Variants in WDFY4 observed in about 807,000 individuals in gnomAD.
The protein encoded by WDFY4 is WD repeat- and FYVE domain-containing protein 4.
In WDFY4, 169 loss-of-function variants were observed where a neutral mutation model predicts 351.9. That is an observed-to-expected ratio of 0.48 (90% CI 0.42 to 0.55). The LOEUF (loss-of-function observed/expected upper bound fraction) is 0.55, where lower values mean the gene tolerates loss of function less well. WDFY4 is among the 20% of genes least tolerant of loss of function. The pLI is 0.00. For missense variants in WDFY4, 3,803 were observed against 3,935.6 expected, an observed-to-expected ratio of 0.97 and a Z score of 0.90; for synonymous variants, 1,622 against 1,574.6, an observed-to-expected ratio of 1.03 and a Z score of -0.71.
chr10:48,972,269 C>G (rs564328251), intron 57 of WDFY4, among the ~76,000 whole-genome samples: 7 of 152,282 alleles, frequency 4.6e-5, no homozygotes, highest in African/African-American at 1.7e-4. Flanking sequence ...ACTGAAGAGC[C>G]TCACAGGCGG....
intron 1 of WDFY4, among the ~76,000 whole-genome samples, chr10:48,703,490 T>G (rs1465589907): frequency 2.6e-5 from 4 of 152,162 alleles, no homozygotes; most frequent in Non-Finnish European, 5.9e-5. Context: ...GGGGAAAGAA[T>G]TTTAATCTTT....
chr10:48,963,913 G>C lies in WDFY4; in HGVS notation c.8295G>C (p.Gln2765His), dbSNP rs1272332348. The C allele has an allele frequency of 6.4e-7, 1 of 1,551,592 alleles. No individual in the cohort carries two copies. Among genetic ancestry groups the C allele is most frequent in the Non-Finnish European group, 8.7e-7 (1 of 1,147,002 alleles). The change falls in exon 54 of 62, where the codon CAG becomes CAC. Residue 2765 changes from glutamine (Q) to histidine (H), a missense_variant. Physicochemically the swap from Gln to His is conservative, Grantham distance 24 (BLOSUM62 0). This residue lies in a region of WDFY4 where 3,054 missense variants were observed against 3,148.6 expected (regional missense o/e 0.97). Transcript: ENST00000325239. ...ACCTTATTTTTGGGTACAAGCAGCA[G>C]GGGCCAGCCGCAGTGGATGCTGTTA... ...WIDLIFGYKQQGPAAVDAVNI... is the reference protein window; with the variant it reads ...WIDLIFGYKQHGPAAVDAVNI...
intron 13 of WDFY4, among the ~76,000 whole-genome samples, chr10:48,767,162 C>T (rs1033160911): frequency 6.6e-6 from 1 of 152,178 alleles, no homozygotes; most frequent in Non-Finnish European, 1.5e-5. Flanking sequence ...CACCCATTAG[C>T]TATGTGGCCT....
intron 39 of WDFY4, among the ~76,000 whole-genome samples, chr10:48,845,110 A>C (rs571704640): frequency 1.3e-5 from 2 of 152,336 alleles, no homozygotes; most frequent in East Asian, 3.9e-4. Flanking sequence ...AGAGAGGCCC[A>C]TGTGGCTGGG....
At position 48,760,532 on chromosome 10, in the gene WDFY4, C is replaced by T. The variant is rs528420710; in HGVS notation, c.2553+92C>T. ...CCAAGACAGCTTTTTTCCTTTTGTC[C>T]GTGTCTTCAGTGCCCTGCGTTAGCA... On this transcript the variant is annotated intron_variant, in intron 13 of 61. Transcript: ENST00000325239. The T allele has an allele frequency of 1.2e-3, 1,630 of 1,311,740 alleles. 6 individuals are homozygous for T. Among genetic ancestry groups the T allele is most frequent in the South Asian group, 4.0e-3 (306 of 76,318 alleles). 81.3% of individuals were successfully genotyped at this position (1,311,740 alleles called of 1,614,324 possible).
At chr10:48,969,454 C>T (rs928302772) in intron 56 of WDFY4, among the ~76,000 whole-genome samples, 2 of 152,198 alleles carry the variant, frequency 1.3e-5, no homozygotes, top group African/African-American at 4.8e-5. Context: ...CCAAGGCTTG[C>T]AAGTTGGCAG....
chr10:48,770,933 A>G (rs1354424190), intron 13 of WDFY4, among the ~76,000 whole-genome samples: 1 of 152,218 alleles, frequency 6.6e-6, no homozygotes, highest in East Asian at 1.9e-4. Flanking sequence ...CAGAATGGCA[A>G]AATGCAGCCT....
In WDFY4 at chr10:48,901,856, A is replaced by G; in HGVS notation, c.7579A>G (p.Ser2527Gly). The stretch of plus-strand genomic sequence containing the variant: ...GAAAGCCACCTCGGAGGACACCCTC[A>G]GTCTAAGGTAATGGCGGGTAGCCAT... ...KGKATSEDTLSLRRYPGSDRI... is the reference protein window; with the variant it reads ...KGKATSEDTLGLRRYPGSDRI... The change falls in exon 47 of 62, where the codon AGT becomes GGT. Residue 2527 changes from serine (S) to glycine (G), a missense_variant. Around this residue, in one of 3 missense-constraint regions of WDFY4, gnomAD observed 3,054 missense variants for 3,148.6 expected, o/e 0.97. Transcript: ENST00000325239. 6.4e-7 allele frequency: 1 copy of G among 1,551,556 alleles called. No homozygotes were observed. Among genetic ancestry groups the G allele is most frequent in the Non-Finnish European group, 8.7e-7 (1 of 1,146,852 alleles).
intron 10 of WDFY4, 34 bp from the exon 11 acceptor site, chr10:48,735,846 T>G (rs1012682739): frequency 1.3e-6 from 2 of 1,526,736 alleles, no homozygotes; most frequent in Admixed American, 4.0e-5. Flanking sequence ...GCTTCCCCCT[T>G]GCCCTAGCCC....
At position 48,803,306 on chromosome 10, in the gene WDFY4, CA is replaced by C; in HGVS notation, c.4433del (p.Asn1478IlefsTer61). 1 of 1,552,022 alleles carries C rather than the reference CA, an allele frequency of 6.4e-7. No individual in the cohort carries two copies. ...TCCAGCTCTGGATGAATACTGCAGA[CA>C]ATCTGGAGCTCAGCCTCTTTTCCCA... is the stretch of plus-strand genomic sequence containing the variant. ...NFELWMNTADNLELSLFSHLL... is the reference protein window; with the variant it reads ...NFELWMNTADXLELSLFSHLL... On this transcript the variant is annotated frameshift_variant, in exon 25 of 62. Transcript: ENST00000325239. LOFTEE classifies it high-confidence loss of function.
At chr10:48,867,398 C>G in intron 40 of WDFY4, 56 bp downstream of exon 40, 3 of 1,210,424 alleles carry the variant, frequency 2.5e-6, no homozygotes, top group Non-Finnish European at 2.2e-6. Context: ...CACCTTGAAC[C>G]TGAAAAATAA....
intron 36 of WDFY4, among the ~76,000 whole-genome samples, chr10:48,828,035 T>A (rs2068063663): frequency 6.6e-6 from 1 of 152,222 alleles, no homozygotes; most frequent in South Asian, 2.1e-4. Context: ...GACTTCATTC[T>A]AGAAATTTCA....
At chr10:48,866,030 C>A (rs1231225176) in intron 39 of WDFY4, among the ~76,000 whole-genome samples, 1 of 151,958 alleles carries the variant, frequency 6.6e-6, no homozygotes, top group Non-Finnish European at 1.5e-5. Flanking sequence ...TCCAAAGTAC[C>A]AGATTTTAGT....
chr10:48,836,923 C>T (rs543682136), intron 39 of WDFY4, among the ~76,000 whole-genome samples: 9 of 152,252 alleles, frequency 5.9e-5, no homozygotes, highest in African/African-American at 1.9e-4. Context: ...GCTCTGCTTA[C>T]GTACTCAATT....
At position 48,706,779 on chromosome 10, in the gene WDFY4, AC is replaced by A. The variant is rs752982161; in HGVS notation, c.-17-2936del. 1.5e-4 allele frequency among the ~76,000 whole-genome samples: 23 copies of A among 152,374 alleles called. No homozygotes were observed. The East Asian group carries it at 3.8e-3, about 26-fold the overall frequency. On this transcript the variant is annotated intron_variant, in intron 1 of 61. Transcript: ENST00000325239. Reference sequence around the variant, plus strand: ...TCATGAATATATAAAAAAGACTTAGACATGAGGATTGTCATTACAGTATTTT... The same window carrying A: ...TCATGAATATATAAAAAAGACTTAGAATGAGGATTGTCATTACAGTATTTT...
At chr10:48,740,797 G>A in intron 11 of WDFY4, among the ~76,000 whole-genome samples, 1 of 152,166 alleles carries the variant, frequency 6.6e-6, no homozygotes, top group Non-Finnish European at 1.5e-5. Flanking sequence ...TTGATGCTGG[G>A]TTTCTTTCAA....
At chr10:48,720,565 A>G (rs1022130147) in intron 3 of WDFY4, among the ~76,000 whole-genome samples, 31 of 151,948 alleles carry the variant, frequency 2.0e-4, no homozygotes, top group African/African-American at 7.5e-4. Context: ...CTACACACAG[A>G]CACACACTCT....
intron 60 of WDFY4, among the ~76,000 whole-genome samples, chr10:48,979,299 AGGAACCCAGCACATCTTT>A (rs1842707297): frequency 6.6e-6 from 1 of 152,212 alleles, no homozygotes; most frequent in Non-Finnish European, 1.5e-5. Context: ...GTGCATTCTA[AGGAACCCAGCACATCTTT>A]GGAAAGCAGA....
Position 48,943,339 on chromosome 10 carries a change from A to C in WDFY4, c.7639A>C (p.Ile2547Leu), listed in dbSNP as rs538911490. 6.4e-7 allele frequency: 1 copy of C among 1,551,684 alleles called. No individual in the cohort carries two copies. Among genetic ancestry groups the C allele is most frequent in the Admixed American group, 2.0e-5 (1 of 51,004 alleles). ...IMLQKWQKRDISNFEYLMYLN... is the reference protein window; with the variant it reads ...IMLQKWQKRDLSNFEYLMYLN... ...CTGTCTCTTCTGGTAGAAAAGGGAC[A>C]TCAGCAATTTTGAGTATCTCATGTA... is the stretch of plus-strand genomic sequence containing the variant. The change falls in exon 49 of 62, where the codon ATC becomes CTC. Residue 2547 changes from isoleucine to leucine, a missense_variant. This residue lies in a region of WDFY4 where 3,054 missense variants were observed against 3,148.6 expected (regional missense o/e 0.97). Coordinates refer to ENST00000325239, the MANE Select transcript of WDFY4 (RefSeq NM_001394531.1).
Sources: gnomAD v4.1 joint callset for allele counts (sites outside exome capture counted in the v4.1 genomes callset) on GRCh38, gnomAD v4.1.1 for gene constraint, gnomAD v4.1.1 regional missense constraint, MANE v1.5 for transcripts, NCBI Gene and HGNC (gene_info 2026-07-23, HGNC 2026-07-21) for gene names.